Variants in RECK observed in about 807,000 individuals in gnomAD.
RECK encodes reversion-inducing cysteine-rich protein with Kazal motifs.
A neutral mutation model predicts 115.1 loss-of-function variants in RECK; 69 were observed. The observed-to-expected ratio is 0.60, with a 90% CI of 0.49 to 0.73. The LOEUF is 0.73. Among genes scored for constraint, RECK ranks in the 30% least tolerant of loss-of-function variants. The probability of loss-of-function intolerance (pLI) is 0.00; values close to 1 mark genes in which losing one functional copy is unlikely to be tolerated. For synonymous variants in RECK, 414 were observed against 419.7 expected, an observed-to-expected ratio of 0.99 and a Z score of 0.17; for missense variants, 1,047 against 1,203.7, an observed-to-expected ratio of 0.87 and a Z score of 1.93.
intron 7 of RECK, 24 bp from the exon 8 acceptor site, chr9:36,083,341 T>C (rs750626774): frequency 1.9e-6 from 3 of 1,609,774 alleles, no homozygotes; most frequent in South Asian, 1.1e-5. Flanking sequence ...TCCATGTCAG[T>C]GCCTTCTCTT....
chr9:36,097,183 C>T (rs1823381632), intron 10 of RECK, among the ~76,000 whole-genome samples: 1 of 151,862 alleles, frequency 6.6e-6, no homozygotes, highest in Non-Finnish European at 1.5e-5. Context: ...TAAAAATTAG[C>T]TGGGCGTGGT....
At chr9:36,065,515 CT>C in intron 5 of RECK, 61 bp from the exon 6 acceptor site, 3 of 1,286,336 alleles carry the variant, frequency 2.3e-6, no homozygotes, top group South Asian at 1.7e-5. Flanking sequence ...AATTTATGTT[CT>C]TTTTGCCCTG....
intron 1 of RECK, among the ~76,000 whole-genome samples, chr9:36,038,312 G>T (rs1222629373): frequency 1.3e-5 from 2 of 152,114 alleles, no homozygotes; most frequent in South Asian, 2.1e-4. Context: ...ATCAAAGTCA[G>T]TTCCAACAGG....
chr9:36,113,604 G>C (rs1191270582), intron 16 of RECK, among the ~76,000 whole-genome samples: 1 of 152,064 alleles, frequency 6.6e-6, no homozygotes, highest in Non-Finnish European at 1.5e-5. Flanking sequence ...TGTCAAAGTG[G>C]GAAGGCCTTC....
intron 6 of RECK, among the ~76,000 whole-genome samples, chr9:36,077,979 G>A (rs919759846): frequency 1.3e-5 from 2 of 152,152 alleles, no homozygotes; most frequent in African/African-American, 4.8e-5. Flanking sequence ...AGGCAGCAGA[G>A]TGGAGGCCAA....
At position 36,043,168 on chromosome 9, in the gene RECK, G is replaced by C. The variant is rs556526772; in HGVS notation, c.100+6070G>C. ...GCCTCCCGAGTAGCTGGGACTACAGGCGCCTGCCACCACGCCTGGCTAATT... is the reference window on the plus strand; with the variant it reads ...GCCTCCCGAGTAGCTGGGACTACAGCCGCCTGCCACCACGCCTGGCTAATT... On this transcript the variant is annotated intron_variant, in intron 1 of 20. Transcript: ENST00000377966. Among the ~76,000 whole-genome samples the C allele has an allele frequency of 4.8e-5, 7 of 146,334 alleles. No homozygotes were observed. The South Asian group carries it at 1.5e-3, about 32-fold the overall frequency.
intron 1 of RECK, 56 bp downstream of exon 1, chr9:36,037,154 T>A: frequency 2.3e-6 from 2 of 885,614 alleles, no homozygotes; most frequent in Non-Finnish European, 2.8e-6. Flanking sequence ...GCCACAGCGC[T>A]CCAAGATGGC....
intron 10 of RECK, among the ~76,000 whole-genome samples, chr9:36,096,454 T>C (rs982764889): frequency 5.3e-5 from 8 of 151,924 alleles, no homozygotes; most frequent in Non-Finnish European, 1.0e-4. Context: ...GGAGAATCGC[T>C]TGAACCCGGG....
At chr9:36,069,626 C>A (rs79792936) in intron 6 of RECK, among the ~76,000 whole-genome samples, 3,521 of 151,606 alleles carry the variant, frequency 0.023, 113 homozygotes, top group East Asian at 0.13. Flanking sequence ...GAAGATAGAA[C>A]TAAAGAAATT....
chr9:36,072,361 G>T (rs932715904), intron 6 of RECK, among the ~76,000 whole-genome samples: 7 of 152,162 alleles, frequency 4.6e-5, no homozygotes, highest in African/African-American at 1.4e-4. Context: ...GGATTCTCTG[G>T]ACAGCTAGAA....
chr9:36,058,115 A>C (rs1304598908), intron 2 of RECK, among the ~76,000 whole-genome samples: 1 of 150,878 alleles, frequency 6.6e-6, no homozygotes, highest in African/African-American at 2.4e-5. Flanking sequence ...GGGATCTAGA[A>C]CTAGAAATAC....
intron 10 of RECK, among the ~76,000 whole-genome samples, chr9:36,096,086 AAT>A (rs1252984504): frequency 5.5e-4 from 81 of 148,620 alleles, no homozygotes; most frequent in African/African-American, 2.1e-3. Context: ...AAAAAAAAAA[AAT>A]TTGCTGGGTG....
intron 16 of RECK, among the ~76,000 whole-genome samples, chr9:36,112,799 A>G (rs1375660173): frequency 6.6e-6 from 1 of 152,226 alleles, no homozygotes; most frequent in Non-Finnish European, 1.5e-5. Flanking sequence ...TAGTGAAGGC[A>G]GACTAACAAG....
chr9:36,064,512 T>G (rs1821911699), intron 5 of RECK, among the ~76,000 whole-genome samples: 1 of 152,214 alleles, frequency 6.6e-6, no homozygotes, highest in Non-Finnish European at 1.5e-5. Context: ...TAGAAGTGGT[T>G]AGATGGACCT....
chr9:36,111,674 G>A (rs776020468), intron 15 of RECK, among the ~76,000 whole-genome samples: 94 of 152,220 alleles, frequency 6.2e-4, no homozygotes, highest in African/African-American at 1.7e-3. Flanking sequence ...GATTACAGGC[G>A]TGAGCCACTG....
intron 6 of RECK, among the ~76,000 whole-genome samples, chr9:36,077,997 A>C (rs1041938706): frequency 6.6e-6 from 1 of 152,046 alleles, no homozygotes; most frequent in African/African-American, 2.4e-5. Flanking sequence ...CAACCTGGGC[A>C]ACATAGCAAA....
In RECK at chr9:36,059,604, T is replaced by C. The variant is rs149122054; in HGVS notation, c.235-515T>C. 3.3e-4 allele frequency among the ~76,000 whole-genome samples: 50 copies of C among 152,322 alleles called. 1 individual carries two copies. In the East Asian group the frequency reaches 8.9e-3, roughly 27 times the overall value. ...AGGGAAAATATATGACTTATTATCT[T>C]CCAATTTTCTGACATACTGTAGATA... On this transcript the variant is annotated intron_variant, in intron 3 of 20. Coordinates refer to ENST00000377966, the MANE Select transcript of RECK (RefSeq NM_021111.3).
At chr9:36,084,726 AAGGG>A (rs1036380720) in intron 8 of RECK, among the ~76,000 whole-genome samples, 8 of 146,348 alleles carry the variant, frequency 5.5e-5, no homozygotes, top group Admixed American at 1.4e-4. Context: ...TGAAGGGAGG[AAGGG>A]AGGGAGGGAG....
chr9:36,076,045 G>A (rs1013874387), intron 6 of RECK, among the ~76,000 whole-genome samples: 1 of 152,150 alleles, frequency 6.6e-6, no homozygotes, highest in Non-Finnish European at 1.5e-5. Flanking sequence ...ATGGAGGAAT[G>A]AACCATTTTT....
Sources: allele counts gnomAD v4.1 joint callset (sites outside exome capture counted in the v4.1 genomes callset), GRCh38; gene constraint gnomAD v4.1.1; transcripts MANE v1.5; gene names NCBI Gene and HGNC (gene_info 2026-07-23, HGNC 2026-07-21).